H6PD: variants seen among roughly 807,000 people sequenced by gnomAD.
H6PD encodes the protein GDH/6PGL endoplasmic bifunctional protein.
A neutral mutation model predicts 61.2 loss-of-function variants in H6PD; 48 were observed. The observed-to-expected ratio is 0.78, with a 90% CI of 0.62 to 1.00. The LOEUF is 1.00. Ranked by LOEUF, H6PD falls within the 50% of genes least tolerant of loss-of-function variation. The pLI, the probability that H6PD is intolerant of heterozygous loss-of-function variation, is 0.00. For synonymous variants in H6PD, 480 were observed against 457.9 expected (o/e 1.05, Z -0.62); for missense variants, 1,093 against 1,065.0 (o/e 1.03, Z -0.37).
chr1:9,243,122 C>T, intron 1 of H6PD: 2 of 272,516 alleles, frequency 7.3e-6, no homozygotes, highest in Non-Finnish European at 1.1e-5. Context: ...GTGGTTGGGT[C>T]CTCACCTTGG....
chr1:9,260,756 C>T (rs1021594992), intron 3 of H6PD, among the ~76,000 whole-genome samples: 22 of 152,144 alleles, frequency 1.4e-4, no homozygotes, highest in African/African-American at 3.9e-4. Flanking sequence ...TTATGCTGGT[C>T]GTGCTGCTCC....
intron 3 of H6PD, 110 bp downstream of exon 3, chr1:9,247,193 C>T (rs1316181863): frequency 5.0e-6 from 4 of 798,310 alleles, no homozygotes; most frequent in Non-Finnish European, 8.8e-6. Flanking sequence ...GTGTGGTCTC[C>T]CTTCGAGCCT....
At position 9,246,974 on chromosome 1, in the gene H6PD, G is replaced by A. The variant is rs7524046; in HGVS notation, c.636G>A (p.Ala212=). 379,492 of 1,606,590 alleles carry A rather than the reference G, an allele frequency of 0.24. 46,858 individuals carry two copies. The highest frequency in any genetic ancestry group is 0.4 in the East Asian group (18,063 of 44,774). ...VDHYLGKQAV[A]QILPFRDQNR... is the part of the protein sequence containing the mutation. ...TCTTCCCCCCCCGACAGGCTGTGGC[G>A]CAGATCCTGCCTTTCCGAGACCAGA... Residue 212 remains alanine, a synonymous_variant, in exon 3 of 5, where the codon GCG becomes GCA. Transcript: ENST00000377403.
At chr1:9,236,746 A>G (rs1640859728) in intron 1 of H6PD, among the ~76,000 whole-genome samples, 2 of 151,656 alleles carry the variant, frequency 1.3e-5, no homozygotes, top group Non-Finnish European at 2.9e-5. Flanking sequence ...AGTACCTTAC[A>G]TGCTTCCCAT....
chr1:9,253,204 GC>G (rs1641421764), intron 3 of H6PD, among the ~76,000 whole-genome samples: 2 of 152,230 alleles, frequency 1.3e-5, no homozygotes, highest in South Asian at 2.1e-4. Flanking sequence ...AAATCTACAG[GC>G]CGTGTTAAAC....
At chr1:9,251,643 T>A (rs1393857995) in intron 3 of H6PD, among the ~76,000 whole-genome samples, 1 of 152,008 alleles carries the variant, frequency 6.6e-6, no homozygotes, top group East Asian at 1.9e-4. Flanking sequence ...ACACCAGCTG[T>A]CCCGCCTTCC....
chr1:9,270,947 C>CTTTTTTTTTTTTTTTTTTTTTTT lies in H6PD; in HGVS notation c.*6090_*6091insTTTTTTTTTTTTTTTTTTTTTTT, dbSNP rs5772361. On this transcript the variant is annotated 3_prime_UTR_variant, in exon 5 of 5. Transcript: ENST00000377403. Reference sequence around the variant, plus strand: ...TGATGAGGCACATTCAGAACAAATGCTTTTTTTTTTTTGAGACAGAGTCTC... The same window carrying CTTTTTTTTTTTTTTTTTTTTTTT: ...TGATGAGGCACATTCAGAACAAATGCTTTTTTTTTTTTTTTTTTTTTTTTTTTTTTTTTTTGAGACAGAGTCTC... The CTTTTTTTTTTTTTTTTTTTTTTT allele has an allele frequency of 7.1e-6, 1 of 140,112 alleles. No individual in the cohort carries two copies. Among genetic ancestry groups the CTTTTTTTTTTTTTTTTTTTTTTT allele is most frequent in the African/African-American group, 2.8e-5 (1 of 36,294 alleles). The allele number at this position is 140,112 out of a possible 1,614,324, so 8.7% of individuals were successfully genotyped here.
At chr1:9,259,151 C>T (rs1252772331) in intron 3 of H6PD, among the ~76,000 whole-genome samples, 2 of 152,226 alleles carry the variant, frequency 1.3e-5, no homozygotes, top group East Asian at 1.9e-4. Context: ...GCCACCACGC[C>T]CAGCTAATTT....
In H6PD at chr1:9,245,469, G is replaced by C. The variant is rs756988225; in HGVS notation, c.535G>C (p.Asp179His). The change falls in exon 2 of 5, where the codon GAC becomes CAC. Residue 179 changes from aspartate to histidine, a missense_variant. Coordinates refer to ENST00000377403, the MANE Select transcript of H6PD (RefSeq NM_004285.4). This position sits in a 1 kb window ranked among gnomAD's most constrained non-coding sequence, Gnocchi z 4.8. The stretch of plus-strand genomic sequence containing the variant: ...TGTCCTTGAGAAACCCTTTGGCCAT[G>C]ACCACTTCTCAGCCCAGCAGCTGGC... ...RVVLEKPFGH[D>H]HFSAQQLATE... 2 of 1,614,006 alleles carry C rather than the reference G, an allele frequency of 1.2e-6. No homozygotes were observed. Among genetic ancestry groups the C allele is most frequent in the African/African-American group, 1.3e-5 (1 of 74,942 alleles).
intron 1 of H6PD, among the ~76,000 whole-genome samples, chr1:9,241,336 A>G (rs983167904): frequency 2.2e-5 from 3 of 137,916 alleles, no homozygotes; most frequent in African/African-American, 8.3e-5. Context: ...GGCTCTAATC[A>G]CCTACCCACC....
intron 3 of H6PD, among the ~76,000 whole-genome samples, chr1:9,258,778 ATGT>A (rs1216163568): frequency 6.6e-6 from 1 of 150,726 alleles, no homozygotes; most frequent in African/African-American, 2.4e-5. Flanking sequence ...TGGTGTTGTT[ATGT>A]TGTTGTTACA....
At position 9,264,353 on chromosome 1, in the gene H6PD, C is replaced by T. The variant is rs766579471; in HGVS notation, c.1860C>T (p.Asp620=). Reference sequence around the variant, plus strand: ...CCCACACGCACCTGTGGCTGGTTGACGAGCGCTGCGTCCCACTCTCAGACC... The same window carrying T: ...CCCACACGCACCTGTGGCTGGTTGATGAGCGCTGCGTCCCACTCTCAGACC... The part of the protein sequence containing the change: ...PWAHTHLWLV[D]ERCVPLSDPE... Residue 620 remains aspartate (D), a synonymous_variant, in exon 5 of 5, where the codon GAC becomes GAT. Coordinates refer to ENST00000377403, the MANE Select transcript of H6PD (RefSeq NM_004285.4). The T allele has an allele frequency of 5.6e-5, 90 of 1,612,310 alleles. No individual in the cohort carries two copies. Among genetic ancestry groups the T allele is most frequent in the Non-Finnish European group, 7.1e-5 (84 of 1,179,942 alleles).
chr1:9,242,714 C>G (rs929438045), intron 1 of H6PD: 3 of 985,466 alleles, frequency 3.0e-6, no homozygotes, highest in Non-Finnish European at 3.6e-6. Context: ...CTTAGCTCCT[C>G]CCTTTGTACC....
chr1:9,240,014 A>C, intron 1 of H6PD: 2 of 1,231,108 alleles, frequency 1.6e-6, no homozygotes, highest in Non-Finnish European at 2.0e-6. Context: ...AGAGCCTTTT[A>C]ACTGGTAAGT....
chr1:9,248,368 G>A (rs1205415277), intron 3 of H6PD, among the ~76,000 whole-genome samples: 1 of 152,102 alleles, frequency 6.6e-6, no homozygotes, highest in East Asian at 1.9e-4. Flanking sequence ...TGTGTATTTA[G>A]TGCCAGAAGC....
Position 9,264,482 on chromosome 1 carries a change from C to T in H6PD, c.1989C>T (p.Cys663=), listed in dbSNP as rs148819706. The change falls in exon 5 of 5, where the codon TGC becomes TGT. Residue 663 remains cysteine, a synonymous_variant. Transcript: ENST00000377403. ...CTGTGCACCTGCAGCAGCGGCTCTG[C>T]GCCGAGGAGGACCAGGGCGCCCAGA... ...PMPVHLQQRL[C]AEEDQGAQIY... The T allele has an allele frequency of 7.4e-6, 12 of 1,613,086 alleles. No individual in the cohort carries two copies. The highest frequency in any genetic ancestry group is 3.3e-5 in the Admixed American group (2 of 59,998).
intron 3 of H6PD, among the ~76,000 whole-genome samples, chr1:9,255,803 C>T (rs1380742230): frequency 1.3e-5 from 2 of 152,154 alleles, no homozygotes; most frequent in Admixed American, 6.5e-5. Context: ...TTGCTGGCCC[C>T]GGTAGGCATT....
intron 3 of H6PD, among the ~76,000 whole-genome samples, chr1:9,248,040 C>G (rs1392256822): frequency 6.6e-6 from 1 of 152,230 alleles, no homozygotes; most frequent in Non-Finnish European, 1.5e-5. Context: ...GGCGGTGGAG[C>G]CTGATCCTGG....
Position 9,247,097 on chromosome 1 carries a change from C to G in H6PD, c.745+14C>G, listed in dbSNP as rs762593627. ...TGGATGCTGAAGGTGTGTGAGTGGCCCTGCGCACTCGGTCCCCCAGCCTCT... is the reference window on the plus strand; with the variant it reads ...TGGATGCTGAAGGTGTGTGAGTGGCGCTGCGCACTCGGTCCCCCAGCCTCT... On this transcript the variant is annotated intron_variant, in intron 3 of 4. Transcript: ENST00000377403. 2.0e-6 allele frequency: 3 copies of G among 1,511,762 alleles called. No homozygotes were observed. In the South Asian group the frequency reaches 3.4e-5, roughly 17 times the overall value. The allele number at this position is 1,511,762 out of a possible 1,614,324, so 93.6% of individuals were successfully genotyped here.
Sources: gnomAD v4.1 joint callset for allele counts (sites outside exome capture counted in the v4.1 genomes callset) on GRCh38, gnomAD v4.1.1 for gene constraint, Gnocchi (gnomAD v3.1) non-coding constraint, MANE v1.5 for transcripts, NCBI Gene and HGNC (gene_info 2026-07-23, HGNC 2026-07-21) for gene names.